The following CERCAM variants were observed in gnomAD, a reference collection of about 807,000 sequenced individuals.
CERCAM encodes the protein inactive glycosyltransferase 25 family member 3.
Under a neutral mutation model 66.0 loss-of-function variants are expected in CERCAM, and 59 were observed. The observed-to-expected ratio is 0.89, with a 90% confidence interval of 0.73 to 1.11. CERCAM has a LOEUF of 1.11. Among genes scored for constraint, CERCAM ranks in the 50% most tolerant of loss-of-function variants. The pLI is 0.00. For synonymous variants in CERCAM, 318 were observed against 343.6 expected, an observed-to-expected ratio of 0.93 and a Z score of 0.83; for missense variants, 840 against 828.3, an observed-to-expected ratio of 1.01 and a Z score of -0.17.
In CERCAM at chr9:128,435,844, G is replaced by C; in HGVS notation, c.1727G>C (p.Arg576Pro). 6.2e-7 allele frequency: 1 copy of C among 1,609,966 alleles called. No homozygotes were observed. Among genetic ancestry groups the C allele is most frequent in the Non-Finnish European group, 8.5e-7 (1 of 1,179,068 alleles). ...SGSQKTLRSP[R>P]LDLTGSSGHS... Reference sequence around the variant, plus strand: ...TCCCAAAAGACCCTGCGCAGCCCCCGCCTGGACCTGACTGGCAGCAGCGGG... The same window carrying C: ...TCCCAAAAGACCCTGCGCAGCCCCCCCCTGGACCTGACTGGCAGCAGCGGG... Residue 576 changes from arginine (R) to proline (P), a missense_variant, in exon 12 of 13, where the codon CGC (arginine) becomes CCC (proline). Physicochemically the swap from Arg to Pro is moderately radical, Grantham distance 103. Transcript: ENST00000372838.
intron 1 of CERCAM, chr9:128,422,595 C>G (rs1191940696): frequency 7.5e-6 from 3 of 398,470 alleles, no homozygotes; most frequent in Non-Finnish European, 1.4e-5. Flanking sequence ...CTTCTCTTAT[C>G]TTTGTCCATG....
At chr9:128,433,205 G>A (rs575669340) in intron 9 of CERCAM, among the ~76,000 whole-genome samples, 2 of 151,166 alleles carry the variant, frequency 1.3e-5, no homozygotes, top group East Asian at 3.9e-4. Context: ...CGTGAACCCA[G>A]GAGGCGGAGC....
At chr9:128,436,070 T>G (rs190209271) in intron 12 of CERCAM, among the ~76,000 whole-genome samples, 165 bp downstream of exon 12, 5 of 152,322 alleles carry the variant, frequency 3.3e-5, no homozygotes, top group East Asian at 1.9e-4. Context: ...TTGTTTGTTT[T>G]TTTTAGACGG....
chr9:128,422,722 C>T (rs1833738956), intron 1 of CERCAM, 146 bp from the exon 2 acceptor site: 1 of 887,878 alleles, frequency 1.1e-6, no homozygotes. Context: ...GCTGTGCTGC[C>T]TCCAGCCTCT....
At chr9:128,421,320 C>T in intron 1 of CERCAM, 1 of 1,218,256 alleles carries the variant, frequency 8.2e-7, no homozygotes, top group Non-Finnish European at 1.0e-6. Context: ...GTCCCCTACT[C>T]CTTCCTCTTG....
chr9:128,421,116 C>A, intron 1 of CERCAM, 42 bp downstream of exon 1: 1 of 1,268,210 alleles, frequency 7.9e-7, no homozygotes, highest in Non-Finnish European at 9.9e-7. Context: ...CACCTAACCC[C>A]CAGCTTCGCA....
At chr9:128,423,051 C>T in intron 2 of CERCAM, 73 bp downstream of exon 2, 4 of 1,608,976 alleles carry the variant, frequency 2.5e-6, no homozygotes, top group South Asian at 2.2e-5. Context: ...AGGGACAGCC[C>T]AGAGCCACAG....
intron 8 of CERCAM, 110 bp from the exon 9 acceptor site, chr9:128,431,061 C>G (rs1212755443): frequency 1.5e-6 from 2 of 1,333,224 alleles, no homozygotes; most frequent in African/African-American, 2.9e-5. Flanking sequence ...AAGGCAGAAA[C>G]CTTCTTCAAA....
chr9:128,425,948 G>T (rs548297224), intron 5 of CERCAM, among the ~76,000 whole-genome samples: 29 of 151,446 alleles, frequency 1.9e-4, no homozygotes, highest in African/African-American at 7.0e-4. Context: ...GGGACCACAG[G>T]TGCACACCAC....
In CERCAM at chr9:128,429,816, C is replaced by A. The variant is rs1588624039; in HGVS notation, c.1070+780C>A. ...TTTTTTTTTTTTTTTGAGGCAGAGTCTCGCTCTGTCGCCCAGGCCTGGAGT... is the reference window on the plus strand; with the variant it reads ...TTTTTTTTTTTTTTTGAGGCAGAGTATCGCTCTGTCGCCCAGGCCTGGAGT... On this transcript the variant is annotated intron_variant, in intron 8 of 12. Coordinates refer to ENST00000372838, the MANE Select transcript of CERCAM (RefSeq NM_016174.5). Among the ~76,000 whole-genome samples, 3 of 150,934 alleles carry A rather than the reference C, an allele frequency of 2.0e-5. No homozygotes were observed. In the Middle Eastern group the frequency reaches 0.01, roughly 513 times the overall value.
At chr9:128,420,052 G>C (rs1833671572), upstream of CERCAM, 2 of 152,260 alleles carry the variant, frequency 1.3e-5, no homozygotes, top group African/African-American at 4.8e-5. This position sits in a 1 kb window ranked among gnomAD's most constrained non-coding sequence, Gnocchi z 5.0. Flanking sequence ...TGTATTTTTA[G>C]TACAGATGGG....
Position 128,421,026 on chromosome 9 carries a change from T to G in CERCAM, c.149T>G (p.Leu50Arg). ...GCCGAACACTCGCTGCCCCACTACC[T>G]GGGCGCTCTGGAGCGGCTGGACTAC... ...RNAEHSLPHY[L>R]GALERLDYPR... The change falls in exon 1 of 13, where the codon CTG becomes CGG. Residue 50 changes from leucine to arginine, a missense_variant. Transcript: ENST00000372838. The G allele has an allele frequency of 7.0e-7, 1 of 1,434,034 alleles. No homozygotes were observed. Among genetic ancestry groups the G allele is most frequent in the Non-Finnish European group, 9.2e-7 (1 of 1,091,826 alleles). The allele number at this position is 1,434,034 out of a possible 1,614,324, so 88.8% of individuals were successfully genotyped here.
At chr9:128,432,733 T>C (rs1220932870) in intron 9 of CERCAM, among the ~76,000 whole-genome samples, 3 of 152,158 alleles carry the variant, frequency 2.0e-5, no homozygotes, top group Non-Finnish European at 4.4e-5. Flanking sequence ...TTATCAAAAG[T>C]AGTTTTCCAA....
At chr9:128,432,647 A>G (rs1415692809) in intron 9 of CERCAM, among the ~76,000 whole-genome samples, 1 of 152,124 alleles carries the variant, frequency 6.6e-6, no homozygotes, top group African/African-American at 2.4e-5. Flanking sequence ...TCAGCCTCCA[A>G]AAGTGCTGGA....
Position 128,424,223 on chromosome 9 carries a change from T to G in CERCAM, c.512T>G (p.Leu171Arg). ...GQGLPVVAPM[L>R]DSQTYYSNFW... is the part of the protein sequence containing the mutation. Reference sequence around the variant, plus strand: ...GGGCTTCCAGTGGTGGCCCCAATGCTGGACTCCCAGACCTACTACTCCAAC... The same window carrying G: ...GGGCTTCCAGTGGTGGCCCCAATGCGGGACTCCCAGACCTACTACTCCAAC... Residue 171 changes from leucine (L) to arginine (R), a missense_variant, in exon 4 of 13, where the codon CTG becomes CGG. Leu to Arg is a moderately radical substitution (Grantham distance 102). Coordinates refer to ENST00000372838, the MANE Select transcript of CERCAM (RefSeq NM_016174.5). 6.2e-7 allele frequency: 1 copy of G among 1,614,144 alleles called. No homozygotes were observed.
intron 9 of CERCAM, among the ~76,000 whole-genome samples, chr9:128,432,677 G>A (rs944623179): frequency 1.3e-5 from 2 of 152,040 alleles, no homozygotes; most frequent in African/African-American, 4.8e-5. Flanking sequence ...ATGAGCCACC[G>A]CTCCTGGCTT....
rs146354416 is a variant in CERCAM at position 128,435,900 on chromosome 9, C to A, written c.1783C>A (p.Leu595Ile). ...CCTCCAACCCCAGCCCCGAGATGAG[C>A]TCTAGGTGAGGCCAGGGCGGGAAGA... is the stretch of plus-strand genomic sequence containing the variant. ...HSLQPQPRDE[L>I] Residue 595 changes from leucine (L) to isoleucine (I), a missense_variant, in exon 12 of 13, where the codon CTC becomes ATC. Coordinates refer to ENST00000372838, the MANE Select transcript of CERCAM (RefSeq NM_016174.5). 351 of 1,602,912 alleles carry A rather than the reference C, an allele frequency of 2.2e-4. 2 individuals carry two copies. The highest frequency in any genetic ancestry group is 2.3e-4 in the Non-Finnish European group (273 of 1,178,120).
At position 128,422,953 on chromosome 9, in the gene CERCAM, G is replaced by A; in HGVS notation, c.283G>A (p.Val95Ile). The A allele has an allele frequency of 1.2e-6, 2 of 1,613,884 alleles. No homozygotes were observed. The highest frequency in any genetic ancestry group is 1.1e-5 in the South Asian group (1 of 91,078). ...TGTGGGCGATGACTATGCTGCTGTG[G>A]TCTGGAGGCCTGAGGGCGAGCCCAG... ...AAVGDDYAAV[V>I]WRPEGEPRFY... The change falls in exon 2 of 13, where the codon GTC (valine) becomes ATC (isoleucine). Residue 95 changes from valine to isoleucine, a missense_variant. Transcript: ENST00000372838.
At chr9:128,436,086 C>T (rs972682570) in intron 12 of CERCAM, among the ~76,000 whole-genome samples, 181 bp downstream of exon 12, 12 of 152,130 alleles carry the variant, frequency 7.9e-5, no homozygotes, top group Non-Finnish European at 1.3e-4. Context: ...GACGGAGTCT[C>T]GCTCTGTCGC....
Sources: gnomAD v4.1 joint callset for allele counts (sites outside exome capture counted in the v4.1 genomes callset) on GRCh38, gnomAD v4.1.1 for gene constraint, Gnocchi (gnomAD v3.1) non-coding constraint, MANE v1.5 for transcripts, NCBI Gene and HGNC (gene_info 2026-07-23, HGNC 2026-07-21) for gene names.